The following NEO1 variants were observed in gnomAD, a reference collection of about 807,000 sequenced individuals.
The protein encoded by NEO1 is neogenin 1, also known as neogenin.
A neutral mutation model predicts 159.7 loss-of-function variants in NEO1; 63 were observed. The ratio of observed to expected loss-of-function variants is 0.39; its 90% CI spans 0.32 to 0.49. The LOEUF is 0.49. NEO1 is among the 20% of genes least tolerant of loss of function. The pLI is 0.85. For missense variants in NEO1, 1,615 were observed against 1,831.0 expected, an observed-to-expected ratio of 0.88 and a Z score of 2.15; for synonymous variants, 633 against 662.0, an observed-to-expected ratio of 0.96 and a Z score of 0.67.
chr15:73,185,015 A>C (rs1371080580), intron 7 of NEO1, among the ~76,000 whole-genome samples: 1 of 152,208 alleles, frequency 6.6e-6, no homozygotes, highest in Admixed American at 6.5e-5. Flanking sequence ...GCAAATTACC[A>C]AGTGAAAGAA....
chr15:73,158,208 CTTTTTTTTTTTTTT>C lies in NEO1; in HGVS notation c.1016-18183_1016-18170del, dbSNP rs1047852394. 8.5e-5 allele frequency among the ~76,000 whole-genome samples: 7 copies of C among 82,556 alleles called. No individual in the cohort carries two copies. In the South Asian group the frequency reaches 2.9e-3, roughly 34 times the overall value. 54.2% of individuals were successfully genotyped at this position (82,556 alleles called of 152,430 possible). On this transcript the variant is annotated intron_variant, in intron 5 of 28. Coordinates refer to ENST00000261908, the MANE Select transcript of NEO1 (RefSeq NM_002499.4). The stretch of plus-strand genomic sequence containing the variant: ...CCAGCCTGGGAGAAAGAGTGAGACT[CTTTTTTTTTTTTTT>C]TTTTTTTTTTTACAATTTTTTCTTC...
chr15:73,143,934 T>C lies in NEO1; in HGVS notation c.1015+7907T>C, dbSNP rs762940503. 5.3e-5 allele frequency among the ~76,000 whole-genome samples: 8 copies of C among 152,220 alleles called. 1 individual carries two copies. In the East Asian group the frequency reaches 1.5e-3, roughly 29 times the overall value. On this transcript the variant is annotated intron_variant, in intron 5 of 28. Transcript: ENST00000261908. ...ATGTCCTCTTCAACTCCTACTAGAC[T>C]GGAGTTCTTATCAACAGGAACTGGT...
rs10623334 is a variant in NEO1, at chr15:73,257,132, C to CAA, written c.2093-1614_2093-1613dup. 4.8e-3 allele frequency among the ~76,000 whole-genome samples: 263 copies of CAA among 54,730 alleles called. 11 individuals are homozygous for CAA. The highest frequency in any genetic ancestry group is 0.015 in the African/African-American group (255 of 17,140). 35.9% of individuals were successfully genotyped at this position (54,730 alleles called of 152,430 possible). A position where few individuals can be genotyped will look rare whatever the true frequency, so the allele number is the denominator to read the frequency against. ...GGGCAACAGAGAGAGACTCTGTCTC[C>CAA]AAAAAAAAAAAAAAAAAAAAAGTTT... is the stretch of plus-strand genomic sequence containing the variant. On this transcript the variant is annotated intron_variant, in intron 13 of 28. Transcript: ENST00000261908.
rs34114271 is a variant in NEO1, at chr15:73,290,224, ATTT to A, written c.3742+1012_3742+1014del. 9.1e-3 allele frequency among the ~76,000 whole-genome samples: 744 copies of A among 82,140 alleles called. 2 individuals are homozygous for A. The highest frequency in any genetic ancestry group is 0.035 in the East Asian group (81 of 2,324). The allele number at this position is 82,140 out of a possible 152,430, so 53.9% of individuals were successfully genotyped here. On this transcript the variant is annotated intron_variant, in intron 25 of 28. Transcript: ENST00000261908. ...ATAGCTTTAGGTTTTACTGTGTGGA[ATTT>A]TTTTTTTTTTTTTTTTTTTTTTTTT...
chr15:73,271,925 A>AG lies in NEO1; in HGVS notation c.2858-530_2858-529insG, dbSNP rs1886698969. On this transcript the variant is annotated intron_variant, in intron 18 of 28. Coordinates refer to ENST00000261908, the MANE Select transcript of NEO1 (RefSeq NM_002499.4). Reference sequence around the variant, plus strand: ...CCATCTCAAAAAAAAAAAAAAAAAAACAGCTATATTTGGTTTGGAGAGCCA... The same window carrying AG: ...CCATCTCAAAAAAAAAAAAAAAAAAAGCAGCTATATTTGGTTTGGAGAGCCA... Among the ~76,000 whole-genome samples, 5 of 141,932 alleles carry AG rather than the reference A, an allele frequency of 3.5e-5. No individual in the cohort carries two copies. In the South Asian group the frequency reaches 1.1e-3, roughly 32 times the overall value. The allele number at this position is 141,932 out of a possible 152,430, so 93.1% of individuals were successfully genotyped here.
At chr15:73,187,549 A>G (rs751126914) in intron 7 of NEO1, among the ~76,000 whole-genome samples, 12 of 152,210 alleles carry the variant, frequency 7.9e-5, no homozygotes, top group Non-Finnish European at 1.5e-4. Context: ...GGGCCAAAGA[A>G]TAGATACTTC....
chr15:73,295,136 A>G (rs1336971149), intron 26 of NEO1, among the ~76,000 whole-genome samples: 1 of 142,146 alleles, frequency 7.0e-6, no homozygotes, highest in Non-Finnish European at 1.6e-5. Flanking sequence ...ATATATATAT[A>G]TATATATGTA....
chr15:73,181,889 TC>T (rs36139978), intron 7 of NEO1, among the ~76,000 whole-genome samples: 14,836 of 152,182 alleles, frequency 0.097, 980 homozygotes, highest in African/African-American at 0.18. Flanking sequence ...CAGAGATACT[TC>T]CAAGGTTTAC....
At chr15:73,129,821 C>T (rs1426771124) in intron 4 of NEO1, among the ~76,000 whole-genome samples, 5 of 152,054 alleles carry the variant, frequency 3.3e-5, no homozygotes, top group Admixed American at 3.3e-4. Context: ...GGAAGACTTC[C>T]ACTTCTGGGA....
At chr15:73,246,219 GTCT>G (rs2039788030) in intron 9 of NEO1, among the ~76,000 whole-genome samples, 1 of 152,158 alleles carries the variant, frequency 6.6e-6, no homozygotes, top group African/African-American at 2.4e-5. Flanking sequence ...AACAAGCTTG[GTCT>G]TCTTCCCTTA....
chr15:73,114,550 T>C (rs2071189394), intron 1 of NEO1, among the ~76,000 whole-genome samples: 1 of 152,208 alleles, frequency 6.6e-6, no homozygotes, highest in Admixed American at 6.5e-5. Context: ...TTCAAACACA[T>C]ATACTTTTTT....
At chr15:73,254,628 A>G (rs753747960) in intron 12 of NEO1, 54 bp from the exon 13 acceptor site, 1 of 1,480,762 alleles carries the variant, frequency 6.8e-7, no homozygotes, top group Non-Finnish European at 9.0e-7. Flanking sequence ...TATTTAAAAC[A>G]GGACCAAGCT....
At chr15:73,096,198 C>T (rs544265968) in intron 1 of NEO1, among the ~76,000 whole-genome samples, 1 of 152,210 alleles carries the variant, frequency 6.6e-6, no homozygotes, top group African/African-American at 2.4e-5. Context: ...ACAGCACAAA[C>T]AATAGCAAAC....
At chr15:73,198,516 T>C (rs2036668727) in intron 7 of NEO1, among the ~76,000 whole-genome samples, 1 of 152,046 alleles carries the variant, frequency 6.6e-6, no homozygotes, top group African/African-American at 2.4e-5. Context: ...GTTTATTCTC[T>C]GAAAGCTTTT....
Position 73,094,588 on chromosome 15 carries a change from A to G in NEO1, c.131-21952A>G, listed in dbSNP as rs1046687716. On this transcript the variant is annotated intron_variant, in intron 1 of 28. Transcript: ENST00000261908. ...GTTGTTTGAATTGGAATTAGTATCT[A>G]CACAATTGATTGGTATACGTTTTAA... Among the ~76,000 whole-genome samples the G allele has an allele frequency of 7.2e-5, 11 of 152,208 alleles. 1 individual carries two copies. The highest frequency in any genetic ancestry group is 2.7e-4 in the African/African-American group (11 of 41,448).
intron 8 of NEO1, among the ~76,000 whole-genome samples, chr15:73,240,305 T>C (rs1411192516): frequency 6.6e-6 from 1 of 152,168 alleles, no homozygotes; most frequent in Non-Finnish European, 1.5e-5. Context: ...GCAGGAATGA[T>C]TAGTAAATTA....
intron 15 of NEO1, among the ~76,000 whole-genome samples, chr15:73,265,700 C>G (rs1431115425): frequency 6.6e-6 from 1 of 152,124 alleles, no homozygotes; most frequent in African/African-American, 2.4e-5. Context: ...ACAGGAAGAC[C>G]AGGTGCCTCT....
chr15:73,135,441 C>T (rs1274210986), intron 4 of NEO1, among the ~76,000 whole-genome samples: 3 of 152,246 alleles, frequency 2.0e-5, no homozygotes, highest in South Asian at 2.1e-4. Flanking sequence ...CTTACTGTTT[C>T]GGATCTAACA....
In NEO1 at chr15:73,260,424, A is replaced by G. The variant is rs764902411; in HGVS notation, c.2357A>G (p.Lys786Arg). 3.7e-6 allele frequency: 6 copies of G among 1,613,790 alleles called. No homozygotes were observed. In the Admixed American group the frequency reaches 5.0e-5, roughly 13 times the overall value. ...GGCAGCCCTCATGCCCAGACCATCA[A>G]AGTGGACTATAAACAGCGCTATTAC... ...GIGSPHAQTIKVDYKQRYYTI... is the reference protein window; with the variant it reads ...GIGSPHAQTIRVDYKQRYYTI... The change falls in exon 15 of 29, where the codon AAA (lysine) becomes AGA (arginine). Residue 786 changes from lysine to arginine, a missense_variant. By Grantham distance (26) the Lys-to-Arg change is conservative. Transcript: ENST00000261908.
Sources: allele counts gnomAD v4.1 joint callset (sites outside exome capture counted in the v4.1 genomes callset), GRCh38; gene constraint gnomAD v4.1.1; transcripts MANE v1.5; gene names NCBI Gene and HGNC (gene_info 2026-07-23, HGNC 2026-07-21).